Variants in CEMIP observed in about 807,000 individuals in gnomAD.
CEMIP encodes the protein cell migration inducing hyaluronidase 1, also known as cell migration-inducing and hyaluronan-binding protein.
In CEMIP, 105 loss-of-function variants were observed where a neutral mutation model predicts 156.9. That is an observed-to-expected ratio of 0.67 (90% CI 0.57 to 0.79). The LOEUF (loss-of-function observed/expected upper bound fraction) is 0.79, where lower values mean the gene tolerates loss of function less well. Ranked by LOEUF, CEMIP falls within the 30% of genes least tolerant of loss-of-function variation. CEMIP has a pLI of 0.00. For synonymous variants in CEMIP, 676 were observed against 668.4 expected (o/e 1.01, Z -0.17); for missense variants, 1,457 against 1,769.4 (o/e 0.82, Z 3.17).
chr15:80,948,264 G>A (rs1901651357), intron 29 of CEMIP: 1 of 204,434 alleles, frequency 4.9e-6, no homozygotes, highest in Non-Finnish European at 1.0e-5. Flanking sequence ...GGAGAGTGCT[G>A]TGTGGGTTTC....
intron 10 of CEMIP, among the ~76,000 whole-genome samples, chr15:80,890,727 C>T (rs772258336): frequency 2.0e-5 from 3 of 152,178 alleles, no homozygotes; most frequent in East Asian, 1.9e-4. Context: ...CAGGTCAGCT[C>T]GAGTCCCAGG....
intron 1 of CEMIP, among the ~76,000 whole-genome samples, chr15:80,796,878 C>T (rs1172289710): frequency 6.6e-6 from 1 of 152,064 alleles, no homozygotes; most frequent in Non-Finnish European, 1.5e-5. Context: ...CCTCATTATT[C>T]TTGGGGGAAT....
chr15:80,858,383 T>A (rs1259192842), intron 1 of CEMIP, among the ~76,000 whole-genome samples: 1 of 152,146 alleles, frequency 6.6e-6, no homozygotes, highest in East Asian at 1.9e-4. Flanking sequence ...CCTCATTAAT[T>A]AAATAAACGC....
chr15:80,797,369 G>T (rs1294160108), intron 1 of CEMIP, among the ~76,000 whole-genome samples: 1 of 152,194 alleles, frequency 6.6e-6, no homozygotes, highest in Non-Finnish European at 1.5e-5. Context: ...AGCAGTGCTG[G>T]CGTGTGGAGG....
intron 1 of CEMIP, among the ~76,000 whole-genome samples, chr15:80,794,701 C>T (rs1448985154): frequency 1.3e-5 from 2 of 152,248 alleles, no homozygotes; most frequent in Non-Finnish European, 2.9e-5. Context: ...TATCTCAATT[C>T]GGACCTGCCA....
intron 23 of CEMIP, 136 bp downstream of exon 23, chr15:80,933,596 CCTTTT>C: frequency 7.2e-6 from 5 of 697,986 alleles, no homozygotes; most frequent in Non-Finnish European, 1.2e-5. Context: ...TTCTTTCTTT[CCTTTT>C]ATTTTTTCCC....
chr15:80,850,088 G>A (rs1316352602), intron 1 of CEMIP, among the ~76,000 whole-genome samples: 3 of 152,174 alleles, frequency 2.0e-5, no homozygotes, highest in Non-Finnish European at 4.4e-5. Context: ...TCAGGGAGAG[G>A]AGGCTGTTAT....
intron 1 of CEMIP, among the ~76,000 whole-genome samples, chr15:80,806,608 G>T (rs1484147664): frequency 6.6e-6 from 1 of 152,194 alleles, no homozygotes; most frequent in African/African-American, 2.4e-5. Context: ...TGGGGAAAGG[G>T]TCATGGTAAA....
chr15:80,798,054 T>C (rs1446266490), intron 1 of CEMIP, among the ~76,000 whole-genome samples: 2 of 152,206 alleles, frequency 1.3e-5, no homozygotes, highest in African/African-American at 4.8e-5. Context: ...TAAAAAAGAA[T>C]GTACATGGTG....
intron 1 of CEMIP, among the ~76,000 whole-genome samples, chr15:80,803,816 G>A (rs1896441302): frequency 6.6e-6 from 1 of 152,162 alleles, no homozygotes; most frequent in Non-Finnish European, 1.5e-5. Flanking sequence ...TTCTGTTGTG[G>A]GTAAATGGCT....
At chr15:80,856,537 T>C (rs1482358531) in intron 1 of CEMIP, among the ~76,000 whole-genome samples, 1 of 152,114 alleles carries the variant, frequency 6.6e-6, no homozygotes, top group Admixed American at 6.6e-5. Flanking sequence ...AAATGTTGGG[T>C]TGGAGGGGAA....
chr15:80,928,649 C>T (rs920610207), intron 19 of CEMIP, among the ~76,000 whole-genome samples: 4 of 152,116 alleles, frequency 2.6e-5, no homozygotes, highest in African/African-American at 7.2e-5. Context: ...CTGTCAATGC[C>T]GTTGAATGTG....
intron 1 of CEMIP, among the ~76,000 whole-genome samples, chr15:80,851,095 G>T (rs528846209): frequency 4.6e-5 from 7 of 152,264 alleles, no homozygotes; most frequent in Admixed American, 3.9e-4. Flanking sequence ...CTGTGGACCT[G>T]TTGGCAGGGG....
intron 24 of CEMIP, 137 bp from the exon 25 acceptor site, chr15:80,937,657 G>A: frequency 1.3e-6 from 1 of 776,496 alleles, no homozygotes; most frequent in Non-Finnish European, 2.2e-6. Flanking sequence ...GACAGCAAAT[G>A]TGCTTTCAAA....
At chr15:80,838,195 C>CAT (rs1897307940) in intron 1 of CEMIP, among the ~76,000 whole-genome samples, 2 of 152,094 alleles carry the variant, frequency 1.3e-5, no homozygotes, top group Admixed American at 1.3e-4. Flanking sequence ...TCGCAGGGAG[C>CAT]GGAGGGTGGG....
rs541758025 is a variant in CEMIP, at chr15:80,822,392, G to T, written c.-176+42778G>T. 3.9e-5 allele frequency among the ~76,000 whole-genome samples: 6 copies of T among 152,326 alleles called. No individual in the cohort carries two copies. The East Asian group carries it at 1.2e-3, about 29-fold the overall frequency. ...TTTTGACAGTCTTCTCATATGTGCA[G>T]TCACAGCTCTGTCCCTTTCCAACCC... On this transcript the variant is annotated intron_variant, in intron 1 of 29. Coordinates refer to ENST00000394685, the MANE Select transcript of CEMIP (RefSeq NM_001293298.2).
chr15:80,810,839 T>A (rs867517570), intron 1 of CEMIP, among the ~76,000 whole-genome samples: 1 of 144,486 alleles, frequency 6.9e-6, no homozygotes, highest in East Asian at 2.0e-4. Context: ...CATCCATCCA[T>A]CCATCCAACC....
At chr15:80,936,202 T>G (rs1267964741) in intron 23 of CEMIP, among the ~76,000 whole-genome samples, 1 of 152,232 alleles carries the variant, frequency 6.6e-6, no homozygotes, top group African/African-American at 2.4e-5. Flanking sequence ...GGCCAGACAC[T>G]GAGAGGGAGT....
At position 80,936,755 on chromosome 15, in the gene CEMIP, G is replaced by A; in HGVS notation, c.3091G>A (p.Glu1031Lys). The A allele has an allele frequency of 6.2e-7, 1 of 1,614,140 alleles. No homozygotes were observed. Among genetic ancestry groups the A allele is most frequent in the Non-Finnish European group, 8.5e-7 (1 of 1,179,986 alleles). The change falls in exon 24 of 30, where the codon GAG becomes AAG. Residue 1031 changes from glutamate to lysine, a missense_variant. Around this residue, in one of 5 missense-constraint regions of CEMIP, gnomAD observed 798 missense variants for 980.1 expected, o/e 0.81. Transcript: ENST00000394685. ...NDFPSHPLYL[E>K]GALTRSTHYQ... ...CTTCCCCAGCCACCCTCTTTACCTG[G>A]AGGGGGCGCTCACCAGGAGCACCCA...
Sources: gnomAD v4.1 joint callset for allele counts (sites outside exome capture counted in the v4.1 genomes callset) on GRCh38, gnomAD v4.1.1 for gene constraint, gnomAD v4.1.1 regional missense constraint, MANE v1.5 for transcripts, NCBI Gene and HGNC (gene_info 2026-07-23, HGNC 2026-07-21) for gene names.